The following SBNO1 variants were observed in gnomAD, a reference collection of about 807,000 sequenced individuals.
SBNO1 encodes strawberry notch homolog 1, also known as protein strawberry notch homolog 1.
A neutral mutation model predicts 173.6 loss-of-function variants in SBNO1; 23 were observed. The observed-to-expected ratio is 0.13, with a 90% CI of 0.10 to 0.19. SBNO1 has a LOEUF of 0.19. Among genes scored for constraint, SBNO1 ranks in the 10% least tolerant of loss-of-function variants. SBNO1 has a pLI of 1.00. For missense variants in SBNO1, 1,238 were observed against 1,671.2 expected, an observed-to-expected ratio of 0.74 and a Z score of 4.52; for synonymous variants, 632 against 571.5, an observed-to-expected ratio of 1.11 and a Z score of -1.51.
At position 123,292,282 on chromosome 12, in the gene SBNO1, A is replaced by G. The variant is rs1219146413; in HGVS notation, c.*3626T>C. 1.3e-5 allele frequency: 2 copies of G among 152,172 alleles called. No homozygotes were observed. Among genetic ancestry groups the G allele is most frequent in the African/African-American group, 4.8e-5 (2 of 41,452 alleles). The allele number at this position is 152,172 out of a possible 1,614,324, so 9.4% of individuals were successfully genotyped here. On this transcript the variant is annotated 3_prime_UTR_variant, in exon 32 of 32. Coordinates refer to ENST00000602398, the MANE Select transcript of SBNO1 (RefSeq NM_001167856.3). Reference sequence around the variant, plus strand: ...CGCTTATGTAGCACCATTCTTAGAAACTACCAAGTATCACACAGGTACATG... The same window carrying G: ...CGCTTATGTAGCACCATTCTTAGAAGCTACCAAGTATCACACAGGTACATG...
intron 1 of SBNO1, among the ~76,000 whole-genome samples, chr12:123,362,768 C>CAAA (rs10587512): frequency 3.9e-5 from 3 of 76,476 alleles, no homozygotes; most frequent in African/African-American, 5.8e-5. Flanking sequence ...GACTCCGCCT[C>CAAA]AAAAAAAAAA....
At chr12:123,301,012 T>C (rs1309664473) in intron 30 of SBNO1, among the ~76,000 whole-genome samples, 3 of 151,812 alleles carry the variant, frequency 2.0e-5, no homozygotes, top group African/African-American at 4.8e-5. Flanking sequence ...AGGTTAACTT[T>C]TAAAACTTTT....
intron 16 of SBNO1, among the ~76,000 whole-genome samples, chr12:123,322,387 C>T (rs771445050): frequency 1.6e-4 from 24 of 152,040 alleles, no homozygotes; most frequent in African/African-American, 3.4e-4. Flanking sequence ...CTCTGCCTCC[C>T]GAGTTCAAGT....
Position 123,304,585 on chromosome 12 carries a change from C to G in SBNO1, c.3765G>C (p.Lys1255Asn). ...EIYADLKKKY[K>N]KVVSDDALMH... ...TAATGTACAAATGAAAAAATACCTTCTTATATTTCTTTTTTAGATCAGCAT... is the reference window on the plus strand; with the variant it reads ...TAATGTACAAATGAAAAAATACCTTGTTATATTTCTTTTTTAGATCAGCAT... Residue 1255 changes from lysine to asparagine, a missense_variant, in exon 29 of 32, where the codon AAG (lysine) becomes AAC (asparagine). Lys to Asn is a moderately conservative substitution (Grantham distance 94). Coordinates refer to ENST00000602398, the MANE Select transcript of SBNO1 (RefSeq NM_001167856.3). The G allele has an allele frequency of 6.5e-7, 1 of 1,542,662 alleles. No homozygotes were observed. The highest frequency in any genetic ancestry group is 8.9e-7 in the Non-Finnish European group (1 of 1,117,900).
Position 123,350,417 on chromosome 12 carries a change from G to A in SBNO1, c.25C>T (p.Leu9=). The A allele has an allele frequency of 6.2e-7, 1 of 1,613,906 alleles. No individual in the cohort carries two copies. The highest frequency in any genetic ancestry group is 8.5e-7 in the Non-Finnish European group (1 of 1,179,804). ...CCACTCTCACTCAAAGCAGCAAGCA[G>A]TAAATCTTGCCCTGGCTCCACCATC... MVEPGQDL[L]LAALSESGIS... is the part of the protein sequence containing the mutation. The change falls in exon 2 of 32, where the codon CTG becomes TTG. Residue 9 remains leucine, a synonymous_variant. Transcript: ENST00000602398.
In SBNO1 at chr12:123,362,435, CAAAAAAAAAAAAAAAAAA is replaced by C. The variant is rs56019572; in HGVS notation, c.-1+2248_-1+2265del. Among the ~76,000 whole-genome samples the C allele has an allele frequency of 1.8e-3, 91 of 49,740 alleles. 1 individual carries two copies. Among genetic ancestry groups the C allele is most frequent in the African/African-American group, 7.0e-3 (76 of 10,880 alleles). The allele number at this position is 49,740 out of a possible 152,430, so 32.6% of individuals were successfully genotyped here. A position where few individuals can be genotyped will look rare whatever the true frequency, so the allele number is the denominator to read the frequency against. On this transcript the variant is annotated intron_variant, in intron 1 of 31. Coordinates refer to ENST00000602398, the MANE Select transcript of SBNO1 (RefSeq NM_001167856.3). ...TGGGCCACTGAGCGAGACTCCGTCT[CAAAAAAAAAAAAAAAAAA>C]AAAAAAAAAAAAAAAGGATTCTGAC...
intron 23 of SBNO1, among the ~76,000 whole-genome samples, chr12:123,314,843 T>C (rs1328225662): frequency 6.6e-6 from 1 of 152,106 alleles, no homozygotes; most frequent in Non-Finnish European, 1.5e-5. Context: ...GTGACCCACC[T>C]GCCTTGGCCT....
At chr12:123,297,881 T>TAG in intron 31 of SBNO1, 97 bp downstream of exon 31, 3 of 1,073,936 alleles carry the variant, frequency 2.8e-6, no homozygotes, top group Non-Finnish European at 4.2e-6. Flanking sequence ...GAAGAGATGT[T>TAG]AGATGCATGT....
chr12:123,316,743 C>A, intron 21 of SBNO1, among the ~76,000 whole-genome samples: 1 of 140,478 alleles, frequency 7.1e-6, no homozygotes, highest in Non-Finnish European at 1.5e-5. Flanking sequence ...CCCTATGTTG[C>A]CCAGGCTGGA....
intron 31 of SBNO1, among the ~76,000 whole-genome samples, chr12:123,296,555 GTT>G (rs35125710): frequency 7.1e-6 from 1 of 140,426 alleles, no homozygotes; most frequent in Non-Finnish European, 1.5e-5. Flanking sequence ...ATATATATGT[GTT>G]TTTTTTTTTG....
chr12:123,348,469 A>G (rs1873484578), intron 2 of SBNO1, among the ~76,000 whole-genome samples: 1 of 152,002 alleles, frequency 6.6e-6, no homozygotes. Context: ...TAAAACACAA[A>G]AAATTAGCTG....
rs754315579 is a variant in SBNO1, at chr12:123,320,885, T to C, written c.2324-19A>G. ...CAGGGATCTGAGTGTTAAGGAAAGA[T>C]ACATGTCAAATCATTTGTTAAAACA... On this transcript the variant is annotated intron_variant, in intron 17 of 31. Coordinates refer to ENST00000602398, the MANE Select transcript of SBNO1 (RefSeq NM_001167856.3). The C allele has an allele frequency of 9.9e-6, 15 of 1,513,030 alleles. No homozygotes were observed. The highest frequency in any genetic ancestry group is 1.4e-5 in the African/African-American group (1 of 71,128). The allele number at this position is 1,513,030 out of a possible 1,614,324, so 93.7% of individuals were successfully genotyped here.
At chr12:123,316,519 C>T (rs1014424459) in intron 21 of SBNO1, among the ~76,000 whole-genome samples, 1 of 151,932 alleles carries the variant, frequency 6.6e-6, no homozygotes, top group African/African-American at 2.4e-5. Context: ...CCGCTGCGCC[C>T]AGCCTGTTTT....
chr12:123,327,537 A>C lies in SBNO1; in HGVS notation c.1581T>G (p.Leu527=). The C allele has an allele frequency of 6.2e-7, 1 of 1,613,894 alleles. No individual in the cohort carries two copies. Among genetic ancestry groups the C allele is most frequent in the Non-Finnish European group, 8.5e-7 (1 of 1,179,846 alleles). Residue 527 remains leucine (L), a synonymous_variant, in exon 13 of 32, where the codon CTT becomes CTG. Transcript: ENST00000602398. ...GTTGTCGAGCAATGTACATTCCTCT[A>C]AGCTTCATATCCATAGCAACTATTT... ...AMEIVAMDMK[L]RGMYIARQLS...
intron 1 of SBNO1, among the ~76,000 whole-genome samples, chr12:123,355,769 T>A (rs917025431): frequency 2.0e-5 from 3 of 151,844 alleles, no homozygotes; most frequent in African/African-American, 7.3e-5. Context: ...GGTGACAGAG[T>A]GAGACCCTGT....
intron 1 of SBNO1, 175 bp downstream of exon 1, chr12:123,364,526 C>A: frequency 1.0e-6 from 1 of 983,722 alleles, no homozygotes; most frequent in Non-Finnish European, 1.2e-6. Context: ...GAACATGCCC[C>A]CGAGGGCCCC....
intron 6 of SBNO1, 97 bp from the exon 7 acceptor site, chr12:123,334,310 GAAA>G: frequency 1.3e-6 from 1 of 768,610 alleles, no homozygotes; most frequent in Non-Finnish European, 2.0e-6. Context: ...TTATAACATA[GAAA>G]AATAATTAAA....
chr12:123,317,472 A>G, intron 20 of SBNO1, 116 bp from the exon 21 acceptor site: 1 of 895,840 alleles, frequency 1.1e-6, no homozygotes, highest in Non-Finnish European at 1.7e-6. Flanking sequence ...AATAATGAAG[A>G]CTTCCAGTTT....
chr12:123,352,922 C>T lies in SBNO1; in HGVS notation c.1-2481G>A, dbSNP rs531323434. 4.6e-5 allele frequency among the ~76,000 whole-genome samples: 7 copies of T among 152,160 alleles called. No individual in the cohort carries two copies. The East Asian group carries it at 1.2e-3, about 25-fold the overall frequency. On this transcript the variant is annotated intron_variant, in intron 1 of 31. Coordinates refer to ENST00000602398, the MANE Select transcript of SBNO1 (RefSeq NM_001167856.3). ...AAGAAATTCTCCTGCCTCAGCCTCC[C>T]GAGTAGCTGGGACTACAGCCGCCCG...
Sources: allele counts gnomAD v4.1 joint callset (sites outside exome capture counted in the v4.1 genomes callset), GRCh38; gene constraint gnomAD v4.1.1; transcripts MANE v1.5; gene names NCBI Gene and HGNC (gene_info 2026-07-23, HGNC 2026-07-21).